Variants in GALNTL6 observed in about 807,000 individuals in gnomAD.
GALNTL6 encodes polypeptide N-acetylgalactosaminyltransferase-like 6.
Under a neutral mutation model 73.7 loss-of-function variants are expected in GALNTL6, and 46 were observed. The ratio of observed to expected loss-of-function variants is 0.62; its 90% CI spans 0.49 to 0.80. GALNTL6 has a LOEUF of 0.80. GALNTL6 is among the 30% of genes least tolerant of loss of function. GALNTL6 has a pLI of 0.00. For missense variants in GALNTL6, 604 were observed against 755.0 expected, an observed-to-expected ratio of 0.80 and a Z score of 2.34; for synonymous variants, 259 against 263.7, an observed-to-expected ratio of 0.98 and a Z score of 0.17.
In GALNTL6 at chr4:172,454,239, T is replaced by A. The variant is rs1009829612; in HGVS notation, c.553+105550T>A. On this transcript the variant is annotated intron_variant, in intron 5 of 12. Coordinates refer to ENST00000506823, the MANE Select transcript of GALNTL6 (RefSeq NM_001034845.3). The stretch of plus-strand genomic sequence containing the variant: ...TGTTTTCCTCTACATTTGCTCATGA[T>A]CTCCCACCTCCATCCTTGGTCCTAT... 2.0e-5 allele frequency among the ~76,000 whole-genome samples: 3 copies of A among 152,190 alleles called. No individual in the cohort carries two copies. The South Asian group carries it at 6.2e-4, about 32-fold the overall frequency.
intron 2 of GALNTL6, among the ~76,000 whole-genome samples, chr4:171,822,610 G>A (rs1414263544): frequency 6.6e-6 from 1 of 152,014 alleles, no homozygotes; most frequent in Non-Finnish European, 1.5e-5. Context: ...CTTAAATATT[G>A]TGTACACCTA....
At chr4:173,016,406 A>T (rs4695821) in intron 11 of GALNTL6, among the ~76,000 whole-genome samples, 59,528 of 152,124 alleles carry the variant, frequency 0.39, 12,528 homozygotes, top group African/African-American at 0.53. Context: ...GAGGGGGCTG[A>T]AACCTGTAAA....
intron 5 of GALNTL6, among the ~76,000 whole-genome samples, chr4:172,629,716 G>T (rs1019363975): frequency 6.6e-6 from 1 of 152,078 alleles, no homozygotes; most frequent in South Asian, 2.1e-4. Flanking sequence ...ATCCCCATAG[G>T]TATAGATAGA....
chr4:172,693,569 A>G (rs6848466), intron 5 of GALNTL6, among the ~76,000 whole-genome samples: 6,897 of 152,182 alleles, frequency 0.045, 309 homozygotes, highest in African/African-American at 0.11. Flanking sequence ...CCACATATAG[A>G]CACCTTAACT....
chr4:172,531,857 C>T (rs1008174958), intron 5 of GALNTL6, among the ~76,000 whole-genome samples: 3 of 152,200 alleles, frequency 2.0e-5, no homozygotes, highest in African/African-American at 7.2e-5. Flanking sequence ...GCTGAAAACC[C>T]ATCAAGGGTA....
At chr4:172,059,185 G>GT (rs1560904867) in intron 2 of GALNTL6, among the ~76,000 whole-genome samples, 1 of 152,116 alleles carries the variant, frequency 6.6e-6, no homozygotes, top group Non-Finnish European at 1.5e-5. Context: ...GCTTCTGCTC[G>GT]TTTACTATGT....
intron 2 of GALNTL6, among the ~76,000 whole-genome samples, chr4:171,970,695 G>A (rs1289414267): frequency 1.3e-5 from 2 of 152,246 alleles, no homozygotes; most frequent in East Asian, 1.9e-4. Context: ...ACTCAAAAAT[G>A]TGTTTGCTTA....
intron 5 of GALNTL6, among the ~76,000 whole-genome samples, chr4:172,655,936 T>C (rs1730979505): frequency 6.6e-6 from 1 of 152,176 alleles, no homozygotes; most frequent in African/African-American, 2.4e-5. Flanking sequence ...AGTGTAACCA[T>C]TGCTGATTTT....
chr4:172,401,628 T>C (rs1225902886), intron 5 of GALNTL6, among the ~76,000 whole-genome samples: 1 of 152,108 alleles, frequency 6.6e-6, no homozygotes, highest in African/African-American at 2.4e-5. Flanking sequence ...TTCATTTTCT[T>C]CCTATAAATT....
At chr4:172,871,138 A>G (rs918473022) in intron 7 of GALNTL6, among the ~76,000 whole-genome samples, 1 of 152,102 alleles carries the variant, frequency 6.6e-6, no homozygotes, top group African/African-American at 2.4e-5. Context: ...TCCATACCCT[A>G]ATTACTTCTG....
intron 5 of GALNTL6, among the ~76,000 whole-genome samples, chr4:172,704,371 C>T (rs921402468): frequency 1.3e-5 from 2 of 151,724 alleles, no homozygotes; most frequent in African/African-American, 4.8e-5. Flanking sequence ...TTCTGTATCC[C>T]ATAGATTTTG....
At chr4:172,250,823 G>A (rs575545602) in intron 3 of GALNTL6, among the ~76,000 whole-genome samples, 58 of 152,218 alleles carry the variant, frequency 3.8e-4, no homozygotes, top group African/African-American at 1.3e-3. Context: ...AGGAAAATGG[G>A]ACCTTGATAA....
intron 2 of GALNTL6, among the ~76,000 whole-genome samples, chr4:172,012,210 A>T (rs1348701238): frequency 1.3e-5 from 2 of 152,068 alleles, no homozygotes; most frequent in East Asian, 3.9e-4. Flanking sequence ...CAGGCACAAG[A>T]TATGATGAAA....
intron 7 of GALNTL6, among the ~76,000 whole-genome samples, chr4:172,823,832 C>T (rs893212419): frequency 5.9e-5 from 9 of 151,936 alleles, no homozygotes; most frequent in African/African-American, 2.2e-4. Context: ...TTTTTAAAAC[C>T]ACAACCTAGG....
chr4:172,138,279 CCTGT>C (rs879642971), intron 2 of GALNTL6, among the ~76,000 whole-genome samples: 1 of 150,696 alleles, frequency 6.6e-6, no homozygotes, highest in Admixed American at 6.6e-5. Context: ...ATATTCAAAT[CCTGT>C]CTCTCAATGA....
chr4:172,471,335 A>G (rs917332007), intron 5 of GALNTL6, among the ~76,000 whole-genome samples: 3 of 152,218 alleles, frequency 2.0e-5, no homozygotes, highest in Non-Finnish European at 4.4e-5. Flanking sequence ...TTGCAATCAA[A>G]TGAATTTCTT....
At chr4:172,013,912 C>T (rs10024618) in intron 2 of GALNTL6, among the ~76,000 whole-genome samples, 62,655 of 147,464 alleles carry the variant, frequency 0.42, 13,486 homozygotes, top group African/African-American at 0.49. Context: ...CTACTCTATA[C>T]CTCCATGAGT....
At chr4:172,697,143 C>G (rs1437832) in intron 5 of GALNTL6, among the ~76,000 whole-genome samples, 2 of 151,730 alleles carry the variant, frequency 1.3e-5, no homozygotes, top group Non-Finnish European at 2.9e-5. Context: ...TTTCCAAATG[C>G]CTTTTTTACA....
At chr4:172,999,147 C>T (rs549275063) in intron 10 of GALNTL6, among the ~76,000 whole-genome samples, 6 of 152,264 alleles carry the variant, frequency 3.9e-5, no homozygotes, top group South Asian at 2.1e-4. Flanking sequence ...ACTTTTCCCA[C>T]GCCAAGGTTG....
Sources: allele counts gnomAD v4.1 joint callset (sites outside exome capture counted in the v4.1 genomes callset), GRCh38; gene constraint gnomAD v4.1.1; transcripts MANE v1.5; gene names NCBI Gene and HGNC (gene_info 2026-07-23, HGNC 2026-07-21).